Variants in QPCTL observed in about 807,000 individuals in gnomAD.
QPCTL encodes the protein glutaminyl-peptide cyclotransferase-like protein.
In QPCTL, 31 loss-of-function variants were observed where a neutral mutation model predicts 34.6. The ratio of observed to expected loss-of-function variants is 0.90; its 90% CI spans 0.67 to 1.21. The LOEUF (loss-of-function observed/expected upper bound fraction) is 1.21. Ranked by LOEUF, QPCTL falls within the 50% of genes most tolerant of loss-of-function variation. The pLI, the probability that QPCTL is intolerant of heterozygous loss-of-function variation, is 0.00. For synonymous variants in QPCTL, 223 were observed against 226.9 expected (o/e 0.98, Z 0.15); for missense variants, 474 against 507.8 (o/e 0.93, Z 0.64).
Position 45,695,569 on chromosome 19 carries a change from C to T in QPCTL, c.484C>T (p.His162Tyr). The change falls in exon 3 of 7, where the codon CAC (histidine) becomes TAC (tyrosine). Residue 162 changes from histidine (H) to tyrosine (Y), a missense_variant. Physicochemically the swap from His to Tyr is moderately conservative, Grantham distance 83. Transcript: ENST00000012049. ...VATLDPRAAR[H>Y]LTLACHYDSK... ...CACACTGGACCCAAGGGCTGCCCGT[C>T]ACCTCACCCTTGCCTGCCATTATGA... is the stretch of plus-strand genomic sequence containing the variant. The T allele has an allele frequency of 6.2e-7, 1 of 1,614,146 alleles. No homozygotes were observed. Among genetic ancestry groups the T allele is most frequent in the Non-Finnish European group, 8.5e-7 (1 of 1,180,018 alleles).
At position 45,693,469 on chromosome 19, in the gene QPCTL, G is replaced by A. The variant is rs201747768; in HGVS notation, c.264G>A (p.Leu88=). 26 of 1,613,182 alleles carry A rather than the reference G, an allele frequency of 1.6e-5. No homozygotes were observed. Among genetic ancestry groups the A allele is most frequent in the Non-Finnish European group, 2.1e-5 (25 of 1,179,584 alleles). The change falls in exon 2 of 7, where the codon CTG becomes CTA. Residue 88 remains leucine (L), a synonymous_variant. Coordinates refer to ENST00000012049, the MANE Select transcript of QPCTL (RefSeq NM_017659.4). ...GGCTGCGGAGGGTGGTGGGACAACT[G>A]GATCCACAGCGTCTCTGGAGCACTT... ...EARLRRVVGQ[L]DPQRLWSTYL...
intron 2 of QPCTL, 108 bp from the exon 3 acceptor site, chr19:45,695,328 TG>T: frequency 1.0e-6 from 1 of 962,254 alleles, no homozygotes; most frequent in Non-Finnish European, 1.5e-6. Context: ...TCAATCAGAG[TG>T]GGGCTTTAGT....
In QPCTL at chr19:45,693,528, G is replaced by A; in HGVS notation, c.323G>A (p.Gly108Asp). 6.2e-7 allele frequency: 1 copy of A among 1,612,198 alleles called. No homozygotes were observed. The highest frequency in any genetic ancestry group is 8.5e-7 in the Non-Finnish European group (1 of 1,178,994). The change falls in exon 2 of 7, where the codon GGC (glycine) becomes GAC (aspartate). Residue 108 changes from glycine to aspartate, a missense_variant. Gly to Asp is a moderately conservative substitution (Grantham distance 94). Coordinates refer to ENST00000012049, the MANE Select transcript of QPCTL (RefSeq NM_017659.4). The part of the protein sequence containing the change: ...LRPLLVVRTP[G>D]SPGNLQVRKF... ...CCCCTGCTGGTTGTGCGAACCCCGGGCAGCCCGGGAAATCTCCAAGTCAGA... is the reference window on the plus strand; with the variant it reads ...CCCCTGCTGGTTGTGCGAACCCCGGACAGCCCGGGAAATCTCCAAGTCAGA...
intron 2 of QPCTL, among the ~76,000 whole-genome samples, chr19:45,694,938 C>T (rs1375247046): frequency 6.6e-6 from 1 of 152,026 alleles, no homozygotes; most frequent in Non-Finnish European, 1.5e-5. Context: ...GGGGTCTCCC[C>T]AACATCTGGC....
At chr19:45,700,476 TAAGAA>T (rs1360197062) in intron 5 of QPCTL, among the ~76,000 whole-genome samples, 6 of 151,812 alleles carry the variant, frequency 4.0e-5, no homozygotes, top group African/African-American at 1.2e-4. Flanking sequence ...AATAAATAAA[TAAGAA>T]AATAAAATAA....
chr19:45,699,029 A>ATTT, intron 5 of QPCTL, 129 bp downstream of exon 5: 2 of 508,430 alleles, frequency 3.9e-6, no homozygotes, highest in South Asian at 3.2e-5. Flanking sequence ...GGGAGACCCC[A>ATTT]TCTTTTTTTT....
intron 3 of QPCTL, among the ~76,000 whole-genome samples, chr19:45,697,407 T>C (rs904151288): frequency 3.5e-4 from 44 of 123,990 alleles, no homozygotes; most frequent in Non-Finnish European, 5.1e-4. Flanking sequence ...GCCTGGGCGA[T>C]ACAGCGAGAC....
intron 5 of QPCTL, 130 bp downstream of exon 5, chr19:45,699,030 T>A (rs978695330): frequency 2.5e-4 from 122 of 483,720 alleles, no homozygotes; most frequent in Non-Finnish European, 3.3e-4. Flanking sequence ...GGAGACCCCA[T>A]CTTTTTTTTT....
intron 6 of QPCTL, 52 bp from the exon 7 acceptor site, chr19:45,702,852 T>G: frequency 6.2e-7 from 1 of 1,610,882 alleles, no homozygotes; most frequent in South Asian, 1.1e-5. Flanking sequence ...CTTGGGCTCC[T>G]GGGTTGTGGT....
intron 3 of QPCTL, among the ~76,000 whole-genome samples, chr19:45,696,127 G>C (rs1185605618): frequency 2.0e-5 from 3 of 151,962 alleles, no homozygotes; most frequent in Non-Finnish European, 4.4e-5. Context: ...CCATAATCCA[G>C]AGTCCTTATA....
chr19:45,693,443 C>T lies in QPCTL; in HGVS notation c.238C>T (p.Arg80Trp), dbSNP rs375924817. The T allele has an allele frequency of 1.2e-6, 2 of 1,612,184 alleles. No homozygotes were observed. ...VPLIGSLPEARLRRVVGQLDP... is the reference protein window; with the variant it reads ...VPLIGSLPEAWLRRVVGQLDP... ...ATTGATCGGAAGCCTCCCCGAAGCC[C>T]GGCTGCGGAGGGTGGTGGGACAACT... Residue 80 changes from arginine to tryptophan, a missense_variant, in exon 2 of 7, where the codon CGG (arginine) becomes TGG (tryptophan). Arg to Trp is a moderately radical substitution (Grantham distance 101). Coordinates refer to ENST00000012049, the MANE Select transcript of QPCTL (RefSeq NM_017659.4).
chr19:45,700,033 C>G (rs1251055933), intron 5 of QPCTL, among the ~76,000 whole-genome samples: 1 of 148,300 alleles, frequency 6.7e-6, no homozygotes, highest in Non-Finnish European at 1.5e-5. Flanking sequence ...TCTGGGAGGT[C>G]GAGGCTGCAG....
intron 5 of QPCTL, among the ~76,000 whole-genome samples, chr19:45,701,277 CT>C (rs34262469): frequency 3.4e-3 from 486 of 141,122 alleles, no homozygotes; most frequent in Admixed American, 3.9e-3. Flanking sequence ...AGAGCAAGAT[CT>C]TTTTTTTTTT....
At chr19:45,702,763 C>CAA (rs375783981) in intron 6 of QPCTL, 141 bp from the exon 7 acceptor site, 8,723 of 807,844 alleles carry the variant, frequency 0.011, no homozygotes, top group Non-Finnish European at 0.012. Flanking sequence ...GACTCTGTCT[C>CAA]AAAAAAAAAA....
chr19:45,693,475 A>G lies in QPCTL; in HGVS notation c.270A>G (p.Pro90=), dbSNP rs1270422337. Residue 90 remains proline, a synonymous_variant, in exon 2 of 7, where the codon CCA becomes CCG. Coordinates refer to ENST00000012049, the MANE Select transcript of QPCTL (RefSeq NM_017659.4). ...GGAGGGTGGTGGGACAACTGGATCC[A>G]CAGCGTCTCTGGAGCACTTATCTGC... The part of the protein sequence containing the change: ...RLRRVVGQLD[P]QRLWSTYLRP... 1 of 1,613,194 alleles carries G rather than the reference A, an allele frequency of 6.2e-7. No individual in the cohort carries two copies. The highest frequency in any genetic ancestry group is 1.3e-5 in the African/African-American group (1 of 74,864).
intron 5 of QPCTL, 51 bp downstream of exon 5, chr19:45,698,951 A>C (rs1967759640): frequency 6.5e-7 from 1 of 1,541,688 alleles, no homozygotes; most frequent in Non-Finnish European, 8.9e-7. Context: ...TATGGGGTAC[A>C]GGGCGGTGGG....
At position 45,692,681 on chromosome 19, in the gene QPCTL, A is replaced by T. The variant is rs775512670; in HGVS notation, c.-23A>T. 3 of 1,508,074 alleles carry T rather than the reference A, an allele frequency of 2.0e-6. No individual in the cohort carries two copies. Among genetic ancestry groups the T allele is most frequent in the Non-Finnish European group, 2.7e-6 (3 of 1,124,450 alleles). 93.4% of individuals were successfully genotyped at this position (1,508,074 alleles called of 1,614,324 possible). On this transcript the variant is annotated 5_prime_UTR_variant, in exon 1 of 7. Transcript: ENST00000012049. ...GCCTAAACTCAATCCGTGGTCTGGT[A>T]CAGGTTTCAGGGCAAAGCGGCCATG...
At chr19:45,700,069 C>G (rs1429109546) in intron 5 of QPCTL, among the ~76,000 whole-genome samples, 1 of 151,612 alleles carries the variant, frequency 6.6e-6, no homozygotes, top group African/African-American at 2.4e-5. Context: ...CCACTGCACT[C>G]CAGCCTGGGG....
At chr19:45,701,999 G>T in intron 6 of QPCTL, 85 bp downstream of exon 6, 1 of 1,125,000 alleles carries the variant, frequency 8.9e-7, no homozygotes, top group Admixed American at 1.9e-5. Flanking sequence ...CAGGGCTGGG[G>T]AATGGTGCTA....
Sources: gnomAD v4.1 joint callset for allele counts (sites outside exome capture counted in the v4.1 genomes callset) on GRCh38, gnomAD v4.1.1 for gene constraint, MANE v1.5 for transcripts, NCBI Gene and HGNC (gene_info 2026-07-23, HGNC 2026-07-21) for gene names.